The following SLC1A1 variants were observed in gnomAD, a reference collection of about 807,000 sequenced individuals.
SLC1A1 encodes the protein solute carrier family 1 member 1, also known as excitatory amino acid transporter 3.
In SLC1A1, 43 loss-of-function variants were observed where a neutral mutation model predicts 53.3. The observed-to-expected ratio is 0.81, with a 90% CI of 0.63 to 1.04. The LOEUF is 1.04. Among genes scored for constraint, SLC1A1 ranks in the 50% least tolerant of loss-of-function variants. SLC1A1 has a pLI of 0.00. For missense variants in SLC1A1, 748 were observed against 664.9 expected, an observed-to-expected ratio of 1.12 and a Z score of -1.37; for synonymous variants, 307 against 243.2, an observed-to-expected ratio of 1.26 and a Z score of -2.44.
In SLC1A1 at chr9:4,543,532, T is replaced by C. The variant is rs183218839; in HGVS notation, c.92-1035T>C. Among the ~76,000 whole-genome samples, 19 of 152,358 alleles carry C rather than the reference T, an allele frequency of 1.2e-4. No homozygotes were observed. In the East Asian group the frequency reaches 3.7e-3, roughly 29 times the overall value. On this transcript the variant is annotated intron_variant, in intron 1 of 11. Coordinates refer to ENST00000262352, the MANE Select transcript of SLC1A1 (RefSeq NM_004170.6). ...TCCATACAACTGAAGGATTTCAATA[T>C]GGGCATCTTGTTAAGGAAAAGCTTT...
At chr9:4,517,720 G>C (rs897660017) in intron 1 of SLC1A1, among the ~76,000 whole-genome samples, 1 of 152,126 alleles carries the variant, frequency 6.6e-6, no homozygotes, top group Non-Finnish European at 1.5e-5. Flanking sequence ...CTCACACAAA[G>C]ACCTAGATTT....
At chr9:4,504,035 G>C (rs989854136) in intron 1 of SLC1A1, among the ~76,000 whole-genome samples, 1 of 152,202 alleles carries the variant, frequency 6.6e-6, no homozygotes, top group African/African-American at 2.4e-5. Context: ...TAACAGTTTT[G>C]AAGCCATTTT....
intron 6 of SLC1A1, among the ~76,000 whole-genome samples, chr9:4,571,761 T>C (rs1328316799): frequency 6.6e-6 from 1 of 152,204 alleles, no homozygotes; most frequent in Non-Finnish European, 1.5e-5. Flanking sequence ...TGCTTCATTA[T>C]CAGGGTAAAA....
intron 4 of SLC1A1, among the ~76,000 whole-genome samples, chr9:4,565,706 A>G (rs1819420550): frequency 1.3e-5 from 2 of 152,206 alleles, no homozygotes; most frequent in African/African-American, 4.8e-5. Flanking sequence ...GAGCCAAACC[A>G]TATCAGTAAG....
At chr9:4,493,333 C>T (rs189010893) in intron 1 of SLC1A1, among the ~76,000 whole-genome samples, 1 of 152,276 alleles carries the variant, frequency 6.6e-6, no homozygotes, top group Non-Finnish European at 1.5e-5. Flanking sequence ...GAAACTCATA[C>T]TTGTTTGTGT....
At chr9:4,546,340 A>C (rs1479169602) in intron 2 of SLC1A1, among the ~76,000 whole-genome samples, 3 of 152,178 alleles carry the variant, frequency 2.0e-5, no homozygotes, top group Non-Finnish European at 4.4e-5. Flanking sequence ...TATTTGTCCC[A>C]TGTAATATTT....
intron 1 of SLC1A1, among the ~76,000 whole-genome samples, chr9:4,540,723 G>A (rs1816931494): frequency 6.6e-6 from 1 of 152,210 alleles, no homozygotes. Flanking sequence ...CGGCCAGCTA[G>A]ATCCAGCACC....
At chr9:4,532,830 A>T (rs890511957) in intron 1 of SLC1A1, among the ~76,000 whole-genome samples, 3 of 152,194 alleles carry the variant, frequency 2.0e-5, no homozygotes, top group South Asian at 2.1e-4. Flanking sequence ...CGGGTTACCC[A>T]CAAAGGGAAG....
chr9:4,564,224 C>T, intron 3 of SLC1A1, 120 bp from the exon 4 acceptor site: 2 of 743,042 alleles, frequency 2.7e-6, no homozygotes, highest in Non-Finnish European at 4.8e-6. Context: ...GGCTGGACCT[C>T]AGGGTCCTCC....
chr9:4,494,935 A>T (rs1820361070), intron 1 of SLC1A1, among the ~76,000 whole-genome samples: 1 of 152,250 alleles, frequency 6.6e-6, no homozygotes, highest in African/African-American at 2.4e-5. Flanking sequence ...CAGAAAAAGC[A>T]ATAGGTATTG....
At chr9:4,496,519 CTTGTT>C (rs893770858) in intron 1 of SLC1A1, among the ~76,000 whole-genome samples, 5 of 151,954 alleles carry the variant, frequency 3.3e-5, no homozygotes, top group Admixed American at 6.6e-5. Flanking sequence ...TGCACTCAGC[CTTGTT>C]TTGTTTTGTT....
At position 4,583,156 on chromosome 9, in the gene SLC1A1, G is replaced by A. The variant is rs1821261083; in HGVS notation, c.1312G>A (p.Ala438Thr). Residue 438 changes from alanine to threonine, a missense_variant, in exon 11 of 12, where the codon GCT (alanine) becomes ACT (threonine). Ala to Thr is a moderately conservative substitution (Grantham distance 58). Coordinates refer to ENST00000262352, the MANE Select transcript of SLC1A1 (RefSeq NM_004170.6). The surrounding 1 kb of genome is among the most constrained non-coding windows in gnomAD (Gnocchi z 4.6). ...CGCCGAGGATGTCACCCTGATCATTGCTGTCGACTGGCTCCTGTGAGTTGG... is the reference window on the plus strand; with the variant it reads ...CGCCGAGGATGTCACCCTGATCATTACTGTCGACTGGCTCCTGTGAGTTGG... ...LPAEDVTLII[A>T]VDWLLDRFRT... is the part of the protein sequence containing the mutation. 6.2e-6 allele frequency: 10 copies of A among 1,614,226 alleles called. No individual in the cohort carries two copies. The Middle Eastern group carries it at 6.6e-4, about 107-fold the overall frequency.
Position 4,585,940 on chromosome 9 carries a change from A to G in SLC1A1, c.*382A>G. On this transcript the variant is annotated 3_prime_UTR_variant, in exon 12 of 12. Transcript: ENST00000262352. ...AAAAAATATTCTGTCATTGGTTACA[A>G]ATTTTTACTCAGGCTTTCTATTGGC... 35 of 189,376 alleles carry G rather than the reference A, an allele frequency of 1.8e-4. No homozygotes were observed. Among genetic ancestry groups the G allele is most frequent in the South Asian group, 9.2e-4 (9 of 9,746 alleles). The allele number at this position is 189,376 out of a possible 1,614,324, so 11.7% of individuals were successfully genotyped here.
intron 1 of SLC1A1, among the ~76,000 whole-genome samples, chr9:4,522,317 C>G (rs1340780614): frequency 1.3e-5 from 2 of 152,108 alleles, no homozygotes; most frequent in Non-Finnish European, 2.9e-5. Flanking sequence ...TCCCAAAGTG[C>G]TGGGATTACA....
chr9:4,553,364 CTT>C (rs33971780), intron 2 of SLC1A1: 16 of 110,134 alleles, frequency 1.5e-4, no homozygotes, highest in East Asian at 2.6e-4. Flanking sequence ...CCCACCGCTT[CTT>C]TTTTTTTTTT....
At chr9:4,577,202 G>A (rs1400478486) in intron 10 of SLC1A1, among the ~76,000 whole-genome samples, 1 of 152,224 alleles carries the variant, frequency 6.6e-6, no homozygotes, top group East Asian at 1.9e-4. Flanking sequence ...CTTCCCAGAG[G>A]AGGGGAACAT....
intron 2 of SLC1A1, among the ~76,000 whole-genome samples, chr9:4,560,626 T>C (rs1045314525): frequency 9.2e-5 from 14 of 152,130 alleles, no homozygotes; most frequent in African/African-American, 3.1e-4. Context: ...TTTTTTCCAG[T>C]TAAGCCTAAG....
At chr9:4,530,234 C>T (rs371152114) in intron 1 of SLC1A1, among the ~76,000 whole-genome samples, 1 of 152,108 alleles carries the variant, frequency 6.6e-6, no homozygotes, top group African/African-American at 2.4e-5. Context: ...ATAACTAACT[C>T]TGATCTCTCA....
rs202045339 is a variant in SLC1A1, at chr9:4,564,317, C to G, written c.326-27C>G. 1.7e-5 allele frequency: 25 copies of G among 1,508,228 alleles called. 1 individual carries two copies. The African/African-American group carries it at 1.8e-4, about 11-fold the overall frequency. 93.4% of individuals were successfully genotyped at this position (1,508,228 alleles called of 1,614,324 possible). ...CAGGTGCCCTGGAAGGTTCCTAATG[C>G]TCTGTGGACGCTGTTCTTGGCCACA... On this transcript the variant is annotated intron_variant, in intron 3 of 11. Transcript: ENST00000262352.
Sources: allele counts gnomAD v4.1 joint callset (sites outside exome capture counted in the v4.1 genomes callset), GRCh38; gene constraint gnomAD v4.1.1; non-coding constraint Gnocchi (gnomAD v3.1); transcripts MANE v1.5; gene names NCBI Gene and HGNC (gene_info 2026-07-23, HGNC 2026-07-21).